SDK1: variants seen among roughly 807,000 people sequenced by gnomAD.
SDK1 encodes protein sidekick-1.
Under a neutral mutation model 245.5 loss-of-function variants are expected in SDK1, and 157 were observed. The observed-to-expected ratio is 0.64, with a 90% confidence interval of 0.56 to 0.73. The LOEUF (loss-of-function observed/expected upper bound fraction) is 0.73. Ranked by LOEUF, SDK1 falls within the 30% of genes least tolerant of loss-of-function variation. The pLI is 0.00. For missense variants in SDK1, 3,583 were observed against 3,002.3 expected, an observed-to-expected ratio of 1.19 and a Z score of -4.52; for synonymous variants, 1,647 against 1,278.5, an observed-to-expected ratio of 1.29 and a Z score of -6.15.
intron 4 of SDK1, among the ~76,000 whole-genome samples, chr7:3,758,802 C>G (rs769745294): frequency 2.6e-5 from 4 of 152,160 alleles, no homozygotes; most frequent in African/African-American, 7.2e-5. Context: ...GTCACATCCT[C>G]TAGGCCTCTC....
chr7:4,129,059 G>C (rs1784597254), intron 26 of SDK1, among the ~76,000 whole-genome samples: 1 of 137,642 alleles, frequency 7.3e-6, no homozygotes, highest in African/African-American at 2.8e-5. Flanking sequence ...AGAGCAGCTT[G>C]GGGTGGAGTC....
Position 4,145,923 on chromosome 7 carries a change from C to T in SDK1, c.4423+7C>T, listed in dbSNP as rs748075630. On this transcript the variant is annotated splice_region_variant and intron_variant, in intron 29 of 44. Transcript: ENST00000404826. The stretch of plus-strand genomic sequence containing the variant: ...ATCACCACCGAGAAGAGAGGTAAGA[C>T]CTTGGGGGACCCGGGGGTACTGCAG... 2 of 1,593,012 alleles carry T rather than the reference C, an allele frequency of 1.3e-6. No individual in the cohort carries two copies. Among genetic ancestry groups the T allele is most frequent in the South Asian group, 1.1e-5 (1 of 88,584 alleles).
At chr7:3,738,272 G>A (rs532608957) in intron 4 of SDK1, among the ~76,000 whole-genome samples, 1 of 152,348 alleles carries the variant, frequency 6.6e-6, no homozygotes, top group South Asian at 2.1e-4. Context: ...ATGTGGATGT[G>A]CAGTTTTCCC....
intron 1 of SDK1, among the ~76,000 whole-genome samples, chr7:3,505,224 G>T (rs186132417): frequency 3.2e-4 from 48 of 151,344 alleles, no homozygotes; most frequent in Non-Finnish European, 3.5e-4. Context: ...TTTTGATCTA[G>T]GGTTTACAAT....
intron 25 of SDK1, among the ~76,000 whole-genome samples, chr7:4,125,498 G>C (rs1019190306): frequency 1.3e-5 from 2 of 151,850 alleles, no homozygotes; most frequent in African/African-American, 4.8e-5. Context: ...TTGATGGATG[G>C]ATGGATGGAT....
intron 5 of SDK1, among the ~76,000 whole-genome samples, chr7:3,854,688 C>G (rs1780498023): frequency 1.3e-5 from 2 of 152,150 alleles, no homozygotes; most frequent in South Asian, 4.2e-4. Context: ...TCTGCAATAT[C>G]TTCTGTAAAC....
At chr7:3,562,223 C>T (rs998476309) in intron 1 of SDK1, among the ~76,000 whole-genome samples, 1 of 152,214 alleles carries the variant, frequency 6.6e-6, no homozygotes, top group African/African-American at 2.4e-5. Flanking sequence ...GGATTCCAGA[C>T]CGTATTCTAC....
At chr7:3,425,732 G>C (rs930162691) in intron 1 of SDK1, among the ~76,000 whole-genome samples, 1 of 152,190 alleles carries the variant, frequency 6.6e-6, no homozygotes, top group Non-Finnish European at 1.5e-5. Flanking sequence ...AGTAGAAAAA[G>C]ACAGTCCTTT....
intron 25 of SDK1, among the ~76,000 whole-genome samples, chr7:4,126,532 C>A (rs1784399239): frequency 6.6e-6 from 1 of 152,138 alleles, no homozygotes; most frequent in South Asian, 2.1e-4. Context: ...ACCAGCCTGG[C>A]CAACATGGTA....
intron 1 of SDK1, among the ~76,000 whole-genome samples, chr7:3,604,917 C>G (rs1781373560): frequency 6.6e-6 from 1 of 152,020 alleles, no homozygotes; most frequent in Non-Finnish European, 1.5e-5. Flanking sequence ...CATTTTTTCT[C>G]TGACTTGTTT....
rs1418335916 is a variant in SDK1 at position 3,580,996 on chromosome 7, C to CAAAAAAAAAAAA, written c.299-38080_299-38079insAAAAAAAAAAAA. Among the ~76,000 whole-genome samples the CAAAAAAAAAAAA allele has an allele frequency of 1.5e-3, 144 of 92,952 alleles. 29 individuals carry two copies. The highest frequency in any genetic ancestry group is 4.7e-3 in the East Asian group (13 of 2,770). 61.0% of individuals were successfully genotyped at this position (92,952 alleles called of 152,430 possible). On this transcript the variant is annotated intron_variant, in intron 1 of 44. Transcript: ENST00000404826. ...AAAAAAAAAAAAAAAAAAAAAAAAC[C>CAAAAAAAAAAAA]AAAACAAAACCCTGGAAGACAATCT...
intron 40 of SDK1, among the ~76,000 whole-genome samples, chr7:4,221,665 A>G (rs1402476147): frequency 6.6e-6 from 1 of 152,214 alleles, no homozygotes; most frequent in Non-Finnish European, 1.5e-5. Context: ...TAGGGACACT[A>G]AAAGGCATTT....
At chr7:3,928,041 A>G (rs574777879) in intron 5 of SDK1, among the ~76,000 whole-genome samples, 13 of 152,220 alleles carry the variant, frequency 8.5e-5, no homozygotes, top group Non-Finnish European at 1.9e-4. Context: ...TTGACGACTT[A>G]TCTTTCCATT....
intron 5 of SDK1, among the ~76,000 whole-genome samples, chr7:3,860,570 T>A (rs1370393671): frequency 6.6e-6 from 1 of 152,240 alleles, no homozygotes; most frequent in African/African-American, 2.4e-5. Flanking sequence ...TGTAAATTAA[T>A]ACAGCCATTT....
intron 1 of SDK1, among the ~76,000 whole-genome samples, chr7:3,323,082 G>A (rs567717245): frequency 6.6e-5 from 10 of 152,240 alleles, no homozygotes; most frequent in African/African-American, 2.4e-4. Flanking sequence ...AATTACAGGC[G>A]TGAACCAATG....
At chr7:3,636,983 G>A (rs1268538134) in intron 2 of SDK1, among the ~76,000 whole-genome samples, 2 of 152,008 alleles carry the variant, frequency 1.3e-5, no homozygotes, top group East Asian at 1.9e-4. Context: ...TGTGGCTTTG[G>A]AGAAATGTCT....
intron 17 of SDK1, among the ~76,000 whole-genome samples, chr7:4,043,072 C>T (rs994096044): frequency 1.3e-5 from 2 of 152,018 alleles, no homozygotes; most frequent in Non-Finnish European, 2.9e-5. Flanking sequence ...GGTCAGGCTC[C>T]GAATCTGACA....
intron 5 of SDK1, among the ~76,000 whole-genome samples, chr7:3,918,781 T>A (rs931603718): frequency 2.0e-5 from 3 of 152,152 alleles, no homozygotes; most frequent in Admixed American, 1.3e-4. Context: ...GAAATGACGC[T>A]GGACCGGCGG....
chr7:3,978,828 G>A (rs1472345175), intron 13 of SDK1, among the ~76,000 whole-genome samples: 2 of 152,190 alleles, frequency 1.3e-5, no homozygotes, highest in Non-Finnish European at 2.9e-5. Flanking sequence ...TCCTTCAGAG[G>A]AGCCTGAAAG....
Sources: allele counts gnomAD v4.1 joint callset (sites outside exome capture counted in the v4.1 genomes callset), GRCh38; gene constraint gnomAD v4.1.1; transcripts MANE v1.5; gene names NCBI Gene and HGNC (gene_info 2026-07-23, HGNC 2026-07-21).